The following RPH3AL variants were observed in gnomAD, a reference collection of about 807,000 sequenced individuals.
RPH3AL encodes the protein rab effector Noc2.
RPH3AL carries 38 observed loss-of-function variants against 43.1 expected under a neutral mutation model. The ratio of observed to expected loss-of-function variants is 0.88; its 90% CI spans 0.68 to 1.15. The LOEUF (loss-of-function observed/expected upper bound fraction) is 1.15. RPH3AL is among the 50% of genes most tolerant of loss of function. RPH3AL has a pLI of 0.00. For synonymous variants in RPH3AL, 189 were observed against 176.3 expected (o/e 1.07, Z -0.57); for missense variants, 462 against 423.2 (o/e 1.09, Z -0.81).
intron 7 of RPH3AL, among the ~76,000 whole-genome samples, chr17:230,374 T>G (rs1183210329): frequency 6.6e-6 from 1 of 152,066 alleles, no homozygotes; most frequent in East Asian, 1.9e-4. Context: ...GAAGAAGAGA[T>G]CGGCTCCCTC....
chr17:276,288 G>A (rs2042653475), intron 6 of RPH3AL, among the ~76,000 whole-genome samples: 1 of 152,144 alleles, frequency 6.6e-6, no homozygotes, highest in Admixed American at 6.5e-5. Flanking sequence ...GGATGAAAAT[G>A]GTTCCTGGGG....
At position 261,444 on chromosome 17, in the gene RPH3AL, C is replaced by A. The variant is rs571667144; in HGVS notation, c.439-14159G>T. On this transcript the variant is annotated intron_variant, in intron 6 of 9. Transcript: ENST00000331302. ...CCAGGGATCCGAATTCACCAGGGAT[C>A]TGGATCAGCCAGCCCCTTGATCTTG... 1.1e-4 allele frequency among the ~76,000 whole-genome samples: 17 copies of A among 152,354 alleles called. 1 individual carries two copies. Among genetic ancestry groups the A allele is most frequent in the Admixed American group, 1.1e-3 (17 of 15,308 alleles).
chr17:305,213 G>A lies in RPH3AL; in HGVS notation c.351+14207C>T, dbSNP rs1429830129. On this transcript the variant is annotated intron_variant, in intron 5 of 9. Coordinates refer to ENST00000331302, the MANE Select transcript of RPH3AL (RefSeq NM_006987.4). Reference sequence around the variant, plus strand: ...GCCCAGGAGGTGGCAGGAGTCATCCGTTCTGGAAACAGCCAGAGGTACAAC... The same window carrying A: ...GCCCAGGAGGTGGCAGGAGTCATCCATTCTGGAAACAGCCAGAGGTACAAC... 2.6e-5 allele frequency among the ~76,000 whole-genome samples: 4 copies of A among 151,884 alleles called. No individual in the cohort carries two copies. The South Asian group carries it at 6.2e-4, about 24-fold the overall frequency.
At chr17:275,586 C>T (rs969206545) in intron 6 of RPH3AL, among the ~76,000 whole-genome samples, 2 of 152,160 alleles carry the variant, frequency 1.3e-5, no homozygotes, top group African/African-American at 2.4e-5. Context: ...GAACCATAAG[C>T]TCCCAGGCTG....
At chr17:308,413 C>A (rs565144138) in intron 5 of RPH3AL, among the ~76,000 whole-genome samples, 1 of 152,312 alleles carries the variant, frequency 6.6e-6, no homozygotes, top group Non-Finnish European at 1.5e-5. Context: ...CAGGTAAACA[C>A]AGAACTGCCG....
At chr17:223,549 C>T (rs1371004820) in intron 7 of RPH3AL, among the ~76,000 whole-genome samples, 1 of 152,204 alleles carries the variant, frequency 6.6e-6, no homozygotes, top group African/African-American at 2.4e-5. Flanking sequence ...AGACTGGAAA[C>T]AAAATCCGTC....
chr17:301,636 G>A lies in RPH3AL; in HGVS notation c.351+17784C>T, dbSNP rs2043331168. 2.0e-5 allele frequency among the ~76,000 whole-genome samples: 3 copies of A among 152,012 alleles called. No individual in the cohort carries two copies. In the South Asian group the frequency reaches 6.2e-4, roughly 32 times the overall value. On this transcript the variant is annotated intron_variant, in intron 5 of 9. Transcript: ENST00000331302. The stretch of plus-strand genomic sequence containing the variant: ...TCATTTTTTATTAAAACAGGGTCTC[G>A]CTTTATTGCCTGGGCTGGTCTCAAA...
At chr17:260,717 T>G (rs1296248626) in intron 6 of RPH3AL, among the ~76,000 whole-genome samples, 15 of 152,084 alleles carry the variant, frequency 9.9e-5, no homozygotes, top group African/African-American at 3.6e-4. Context: ...ACACTCACAA[T>G]GCTGGTCTCC....
intron 5 of RPH3AL, among the ~76,000 whole-genome samples, chr17:318,868 A>T (rs1281889303): frequency 6.6e-6 from 1 of 152,230 alleles, no homozygotes; most frequent in Non-Finnish European, 1.5e-5. Context: ...TGGAACAGAA[A>T]GTGTAATCCC....
chr17:280,344 G>A (rs775378316), intron 6 of RPH3AL, among the ~76,000 whole-genome samples: 11 of 152,248 alleles, frequency 7.2e-5, no homozygotes, highest in Non-Finnish European at 1.5e-4. Flanking sequence ...CCTGCCCCGG[G>A]ACTATAACAT....
intron 5 of RPH3AL, among the ~76,000 whole-genome samples, chr17:313,468 C>T (rs962827399): frequency 6.6e-6 from 1 of 152,224 alleles, no homozygotes; most frequent in African/African-American, 2.4e-5. Flanking sequence ...TCAGGGCCTT[C>T]AGGACTGTTC....
intron 5 of RPH3AL, among the ~76,000 whole-genome samples, chr17:315,298 A>G (rs1598093495): frequency 7.4e-6 from 1 of 134,836 alleles, no homozygotes; most frequent in Non-Finnish European, 1.5e-5. Context: ...CCCCACCTCC[A>G]GTGACCTGTA....
intron 7 of RPH3AL, among the ~76,000 whole-genome samples, chr17:244,181 C>T (rs1597919313): frequency 1.3e-5 from 2 of 151,486 alleles, no homozygotes; most frequent in Admixed American, 1.3e-4. Context: ...GATTCCCTTC[C>T]TCTATTGATT....
chr17:297,889 G>A (rs1419003879), intron 5 of RPH3AL, among the ~76,000 whole-genome samples: 1 of 152,204 alleles, frequency 6.6e-6, no homozygotes, highest in Non-Finnish European at 1.5e-5. Flanking sequence ...CCAGCGGACA[G>A]GGAGGCTTCA....
intron 5 of RPH3AL, among the ~76,000 whole-genome samples, chr17:302,731 G>T (rs74720506): frequency 0.14 from 20,707 of 152,226 alleles, 1,591 homozygotes; most frequent in African/African-American, 0.2. Context: ...GGGTGAAAAA[G>T]CCCCGAATAC....
intron 7 of RPH3AL, among the ~76,000 whole-genome samples, chr17:242,285 A>AC (rs781963938): frequency 2.0e-4 from 26 of 129,214 alleles, no homozygotes; most frequent in Non-Finnish European, 3.6e-4. Context: ...TCTATTGACT[A>AC]CCTTCCTCTA....
At chr17:292,321 G>A (rs906404535) in intron 5 of RPH3AL, among the ~76,000 whole-genome samples, 10 of 152,230 alleles carry the variant, frequency 6.6e-5, no homozygotes, top group Non-Finnish European at 1.0e-4. Flanking sequence ...GACGCTGTCT[G>A]GAACCCAGGC....
chr17:313,488 C>T (rs142229203), intron 5 of RPH3AL, among the ~76,000 whole-genome samples: 75 of 152,304 alleles, frequency 4.9e-4, no homozygotes, highest in African/African-American at 1.6e-3. Flanking sequence ...CCAGGGGAAA[C>T]TTGCCGTTCC....
Position 213,643 on chromosome 17 carries a change from T to G in RPH3AL, c.*209A>C. On this transcript the variant is annotated 3_prime_UTR_variant, in exon 10 of 10. Transcript: ENST00000331302. ...TAAGGTCGGGGGCTGAGGGCAGTGG[T>G]TGGAGGGGGTGGCGGATGCAGACAG... 3 of 594,734 alleles carry G rather than the reference T, an allele frequency of 5.0e-6. No individual in the cohort carries two copies. The highest frequency in any genetic ancestry group is 2.9e-5 in the East Asian group (1 of 34,874). The allele number at this position is 594,734 out of a possible 1,614,324, so 36.8% of individuals were successfully genotyped here.
Sources: allele counts gnomAD v4.1 joint callset (sites outside exome capture counted in the v4.1 genomes callset), GRCh38; gene constraint gnomAD v4.1.1; transcripts MANE v1.5; gene names NCBI Gene and HGNC (gene_info 2026-07-23, HGNC 2026-07-21).